The following SORBS3 variants were observed in gnomAD, a reference collection of about 807,000 sequenced individuals.
The protein encoded by SORBS3 is sorbin and SH3 domain containing 3.
Under a neutral mutation model 98.0 loss-of-function variants are expected in SORBS3, and 69 were observed. The ratio of observed to expected loss-of-function variants is 0.70; its 90% CI spans 0.58 to 0.86. The LOEUF (loss-of-function observed/expected upper bound fraction) is 0.86, where lower values mean the gene tolerates loss of function less well. SORBS3 is among the 40% of genes least tolerant of loss of function. The probability of loss-of-function intolerance (pLI) is 0.00; values close to 1 mark genes in which losing one functional copy is unlikely to be tolerated. For synonymous variants in SORBS3, 394 were observed against 355.4 expected, an observed-to-expected ratio of 1.11 and a Z score of -1.22; for missense variants, 954 against 908.5, an observed-to-expected ratio of 1.05 and a Z score of -0.64.
chr8:22,553,617 G>T (rs936948487), intron 1 of SORBS3, among the ~76,000 whole-genome samples: 21 of 152,236 alleles, frequency 1.4e-4, no homozygotes, highest in African/African-American at 4.3e-4. Context: ...GGGCAGGCAT[G>T]GTGCTGCCAG....
chr8:22,551,791 C>T (rs1840085717), upstream of SORBS3: 1 of 985,826 alleles, frequency 1.0e-6, no homozygotes, highest in Non-Finnish European at 1.2e-6. This position sits in a 1 kb window ranked among gnomAD's most constrained non-coding sequence, Gnocchi z 5.8. Flanking sequence ...CTCCGCCCGC[C>T]CCGCCGCGCG....
intron 1 of SORBS3, among the ~76,000 whole-genome samples, chr8:22,552,623 C>A (rs534011953): frequency 2.6e-5 from 4 of 152,180 alleles, no homozygotes; most frequent in Non-Finnish European, 5.9e-5. Context: ...CCTACCCATC[C>A]TCCAAGAGAG....
rs1054095700 is a variant in SORBS3 at position 22,569,246 on chromosome 8, C to A, written c.1404C>A (p.Asp468Glu). Residue 468 changes from aspartate to glutamate, a missense_variant, in exon 17 of 21, where the codon GAC (aspartate) becomes GAA (glutamate). By Grantham distance (45) the Asp-to-Glu change is conservative. Coordinates refer to ENST00000240123, the MANE Select transcript of SORBS3 (RefSeq NM_005775.5). Reference protein sequence around the residue: ...EAVAQYTFKGDLEVELSFRKG... With the variant: ...EAVAQYTFKGELEVELSFRKG... The stretch of plus-strand genomic sequence containing the variant: ...TGGCCCAGTACACCTTCAAGGGGGA[C>A]CTGGAGGTGGAGCTGTCCTTCCGCA... 1.9e-6 allele frequency: 3 copies of A among 1,602,474 alleles called. No homozygotes were observed. Among genetic ancestry groups the A allele is most frequent in the Non-Finnish European group, 2.6e-6 (3 of 1,174,324 alleles).
chr8:22,565,712 G>A (rs1471587315), intron 11 of SORBS3, 114 bp from the exon 12 acceptor site: 14 of 1,230,202 alleles, frequency 1.1e-5, no homozygotes, highest in Non-Finnish European at 1.4e-5. Context: ...CTAGGACCCC[G>A]CGTCCCGCCC....
At chr8:22,548,549 C>G (rs1840040035), upstream of SORBS3, among the ~76,000 whole-genome samples, 1 of 152,140 alleles carries the variant, frequency 6.6e-6, no homozygotes, top group African/African-American at 2.4e-5. Context: ...GAGAGCAAAA[C>G]CCCCCAAAAA....
In SORBS3 at chr8:22,566,485, G is replaced by T; in HGVS notation, c.1090+1G>T. ...TTTGTCTACCCTTCCTCAACCCGAG[G>T]TAAGGACCCAGCCCTGCTCTCTTTC... On this transcript the variant is annotated splice_donor_variant, in intron 13 of 20. Coordinates refer to ENST00000240123, the MANE Select transcript of SORBS3 (RefSeq NM_005775.5). LOFTEE classifies it high-confidence loss of function. 6.2e-7 allele frequency: 1 copy of T among 1,613,502 alleles called. No individual in the cohort carries two copies. Among genetic ancestry groups the T allele is most frequent in the Admixed American group, 1.7e-5 (1 of 59,988 alleles).
chr8:22,569,685 G>C (rs912569076), intron 17 of SORBS3, among the ~76,000 whole-genome samples: 1 of 152,060 alleles, frequency 6.6e-6, no homozygotes, highest in Non-Finnish European at 1.5e-5. Context: ...GCTTCACCCA[G>C]GATTTCAAAG....
In SORBS3 at chr8:22,570,901, C is replaced by A. The variant is rs570391542; in HGVS notation, c.1432-9C>A. The A allele has an allele frequency of 5.1e-6, 8 of 1,578,242 alleles. No homozygotes were observed. In the African/African-American group the frequency reaches 6.7e-5, roughly 13 times the overall value. On this transcript the variant is annotated splice_polypyrimidine_tract_variant and intron_variant, in intron 17 of 20. Coordinates refer to ENST00000240123, the MANE Select transcript of SORBS3 (RefSeq NM_005775.5). The stretch of plus-strand genomic sequence containing the variant: ...AAGGCCCCACAGACACTGACTTTTC[C>A]CCCCTCAGGGAGAGCACATCTGCCT...
chr8:22,548,186 C>T (rs1840035839), upstream of SORBS3, among the ~76,000 whole-genome samples: 1 of 152,196 alleles, frequency 6.6e-6, no homozygotes, highest in Non-Finnish European at 1.5e-5. Context: ...CCATTGTCAG[C>T]ATAGGAGGCC....
rs1030846302 is a variant in SORBS3 at position 22,575,284 on chromosome 8, G to A, written c.*556G>A. The A allele has an allele frequency of 7.5e-6, 2 of 266,804 alleles. No individual in the cohort carries two copies. The highest frequency in any genetic ancestry group is 4.6e-5 in the African/African-American group (2 of 43,716). 16.5% of individuals were successfully genotyped at this position (266,804 alleles called of 1,614,324 possible). A position where few individuals can be genotyped will look rare whatever the true frequency, so the allele number is the denominator to read the frequency against. The stretch of plus-strand genomic sequence containing the variant: ...CTTCTTAGCGATCTAGGCCTGGCAA[G>A]AGCTCTGGCCCCAAGGCCTCCTCTT... On this transcript the variant is annotated 3_prime_UTR_variant, in exon 21 of 21. Transcript: ENST00000240123.
At chr8:22,560,874 C>CGT (rs1840280124) in intron 5 of SORBS3, 1 of 61,090 alleles carries the variant, frequency 1.6e-5, no homozygotes. Flanking sequence ...TGTGTGTGTG[C>CGT]GCGCGCGCAC....
In SORBS3 at chr8:22,574,996, C is replaced by T; in HGVS notation, c.*268C>T. On this transcript the variant is annotated 3_prime_UTR_variant, in exon 21 of 21. Coordinates refer to ENST00000240123, the MANE Select transcript of SORBS3 (RefSeq NM_005775.5). Reference sequence around the variant, plus strand: ...CAGAGGTCTGCTTTGAAGCGGAGACCATTTCCAGGCCTTATTGAGACCAGA... The same window carrying T: ...CAGAGGTCTGCTTTGAAGCGGAGACTATTTCCAGGCCTTATTGAGACCAGA... 1 of 629,542 alleles carries T rather than the reference C, an allele frequency of 1.6e-6. No individual in the cohort carries two copies. The highest frequency in any genetic ancestry group is 3.0e-6 in the Non-Finnish European group (1 of 338,014). 39.0% of individuals were successfully genotyped at this position (629,542 alleles called of 1,614,324 possible).
intron 19 of SORBS3, among the ~76,000 whole-genome samples, 169 bp downstream of exon 19, chr8:22,571,990 G>C (rs1406877594): frequency 6.6e-6 from 1 of 152,234 alleles, no homozygotes; most frequent in Non-Finnish European, 1.5e-5. Context: ...GGAGGCGCTG[G>C]TCTGTGATGT....
intron 20 of SORBS3, among the ~76,000 whole-genome samples, chr8:22,574,089 A>G (rs1840661407): frequency 6.6e-6 from 1 of 152,158 alleles, no homozygotes; most frequent in African/African-American, 2.4e-5. Flanking sequence ...TCTTCATGGC[A>G]CGAAGGAAAG....
intron 12 of SORBS3, chr8:22,566,088 T>G: frequency 7.2e-6 from 4 of 552,498 alleles, no homozygotes; most frequent in Non-Finnish European, 1.1e-5. Context: ...AGGACCGGGG[T>G]CGCGGCCGCC....
intron 6 of SORBS3, 45 bp from the exon 7 acceptor site, chr8:22,561,820 G>T: frequency 6.4e-7 from 1 of 1,565,372 alleles, no homozygotes; most frequent in South Asian, 1.1e-5. Flanking sequence ...GTCACGGCCT[G>T]TCTCCTCCCA....
At chr8:22,562,073 G>T in intron 7 of SORBS3, 142 bp downstream of exon 7, 2 of 739,754 alleles carry the variant, frequency 2.7e-6, no homozygotes, top group Admixed American at 2.2e-5. Flanking sequence ...GTCCGTCTGG[G>T]CTCTGTCCCA....
At chr8:22,568,400 T>G (rs1359056351) in intron 16 of SORBS3, among the ~76,000 whole-genome samples, 1 of 152,256 alleles carries the variant, frequency 6.6e-6, no homozygotes, top group Non-Finnish European at 1.5e-5. Flanking sequence ...GAATGCTGCT[T>G]TAACTGCATC....
chr8:22,549,698 A>C (rs1231053715), upstream of SORBS3, among the ~76,000 whole-genome samples: 1 of 152,204 alleles, frequency 6.6e-6, no homozygotes, highest in East Asian at 1.9e-4. Context: ...AAAGCGGCTC[A>C]GGAAGAAAGC....
Sources: gnomAD v4.1 joint callset for allele counts (sites outside exome capture counted in the v4.1 genomes callset) on GRCh38, gnomAD v4.1.1 for gene constraint, Gnocchi (gnomAD v3.1) non-coding constraint, MANE v1.5 for transcripts, NCBI Gene and HGNC (gene_info 2026-07-23, HGNC 2026-07-21) for gene names.